Variants in MARCHF1 observed in about 807,000 individuals in gnomAD.
The protein encoded by MARCHF1 is E3 ubiquitin-protein ligase MARCHF1.
Under a neutral mutation model 54.2 loss-of-function variants are expected in MARCHF1, and 40 were observed. The observed-to-expected ratio is 0.74, with a 90% CI of 0.57 to 0.96. The LOEUF (loss-of-function observed/expected upper bound fraction) is 0.96, where lower values mean the gene tolerates loss of function less well. MARCHF1 is among the 40% of genes least tolerant of loss of function. MARCHF1 has a pLI of 0.00. For missense variants in MARCHF1, 586 were observed against 656.5 expected, an observed-to-expected ratio of 0.89 and a Z score of 1.17; for synonymous variants, 236 against 236.3, an observed-to-expected ratio of 1.00 and a Z score of 0.01.
intron 2 of MARCHF1, among the ~76,000 whole-genome samples, chr4:164,001,397 G>A (rs1753183861): frequency 6.6e-6 from 1 of 151,730 alleles, no homozygotes. Context: ...TAATATAAGA[G>A]ACAAGATAAA....
At chr4:163,532,626 A>G (rs1298486505) in intron 9 of MARCHF1, among the ~76,000 whole-genome samples, 3 of 151,934 alleles carry the variant, frequency 2.0e-5, no homozygotes, top group Non-Finnish European at 4.4e-5. Flanking sequence ...TATTTGCAAA[A>G]CATATTCTGA....
chr4:163,592,246 G>A (rs1377877038), intron 7 of MARCHF1, among the ~76,000 whole-genome samples: 4 of 152,036 alleles, frequency 2.6e-5, no homozygotes, highest in Admixed American at 6.6e-5. Context: ...ATGTGCAGAC[G>A]AGTGACAGTT....
Position 164,378,023 on chromosome 4 carries a change from C to A in MARCHF1, c.-323+5847G>T. On this transcript the variant is annotated intron_variant, in intron 1 of 9. Transcript: ENST00000514618. ...AGCTGATGGTTTTGGTCAACAATAA[C>A]TAGAAAAGCCAGATATAAGGACAGT... Among the ~76,000 whole-genome samples, 6 of 152,256 alleles carry A rather than the reference C, an allele frequency of 3.9e-5. No homozygotes were observed. The South Asian group carries it at 1.2e-3, about 32-fold the overall frequency.
chr4:163,808,110 A>G (rs1748276191), intron 4 of MARCHF1, among the ~76,000 whole-genome samples: 1 of 152,208 alleles, frequency 6.6e-6, no homozygotes, highest in South Asian at 2.1e-4. Flanking sequence ...ACAATTACTT[A>G]CACGCAGATA....
chr4:164,338,829 A>G (rs867889643), intron 1 of MARCHF1, among the ~76,000 whole-genome samples: 2 of 152,000 alleles, frequency 1.3e-5, no homozygotes, highest in South Asian at 4.1e-4. Flanking sequence ...AAAATTAGCC[A>G]GGCTTGGTGG....
intron 3 of MARCHF1, among the ~76,000 whole-genome samples, chr4:163,892,775 G>A (rs935911441): frequency 3.9e-5 from 6 of 152,000 alleles, no homozygotes; most frequent in African/African-American, 1.5e-4. Context: ...GGGTCTGAAG[G>A]TTCATCTGAC....
chr4:163,791,718 T>C (rs1046407621), intron 4 of MARCHF1, among the ~76,000 whole-genome samples: 5 of 152,152 alleles, frequency 3.3e-5, no homozygotes, highest in African/African-American at 4.8e-5. Flanking sequence ...CTTCAGTTTG[T>C]TTCCTTCACC....
chr4:164,148,274 C>A (rs1242733056), intron 1 of MARCHF1, among the ~76,000 whole-genome samples: 1 of 152,068 alleles, frequency 6.6e-6, no homozygotes, highest in African/African-American at 2.4e-5. Flanking sequence ...CAAGATTTTG[C>A]TCATTTCTTG....
At chr4:164,026,526 TA>T (rs1753771607) in intron 2 of MARCHF1, among the ~76,000 whole-genome samples, 1 of 151,916 alleles carries the variant, frequency 6.6e-6, no homozygotes, top group Non-Finnish European at 1.5e-5. Flanking sequence ...AATATTTCAA[TA>T]AAATCCACCA....
At position 163,612,755 on chromosome 4, in the gene MARCHF1, T is replaced by A; in HGVS notation, c.526A>T (p.Arg176Ter). The change falls in exon 7 of 10, where the codon AGA (arginine) becomes TGA (stop). Residue 176 changes from arginine (R) to a stop codon, truncating the protein, a stop_gained. Transcript: ENST00000514618. LOFTEE classifies it high-confidence loss of function. ...DESHWIQAKR[R>*]AQVKFRLSRR... The stretch of plus-strand genomic sequence containing the variant: ...GACAGTCTGAATTTAACCTGGGCTC[T>A]TCTTTTTGCCTGAATCCAATGACTC... 2 of 1,535,464 alleles carry A rather than the reference T, an allele frequency of 1.3e-6. No individual in the cohort carries two copies. Among genetic ancestry groups the A allele is most frequent in the Non-Finnish European group, 1.7e-6 (2 of 1,146,478 alleles).
chr4:163,612,435 AT>A lies in MARCHF1; in HGVS notation c.845del (p.Asn282MetfsTer3), dbSNP rs1560973681. On this transcript the variant is annotated frameshift_variant, in exon 7 of 10. Transcript: ENST00000514618. LOFTEE classifies it high-confidence loss of function. ...DPQLLQSLRKNEIMKKTFSET... is the reference protein window; with the variant it reads ...DPQLLQSLRKXEIMKKTFSET... ...CTGAAAATGTCTTCTTCATTATTTC[AT>A]TTTTCCTAAGACTTTGCAAGAGCTG... The A allele has an allele frequency of 6.5e-7, 1 of 1,534,782 alleles. No homozygotes were observed. The highest frequency in any genetic ancestry group is 8.7e-7 in the Non-Finnish European group (1 of 1,146,328).
chr4:163,790,141 C>G (rs993281961), intron 4 of MARCHF1, among the ~76,000 whole-genome samples: 1 of 152,032 alleles, frequency 6.6e-6, no homozygotes. Context: ...TTGCAAGTGG[C>G]AGTCATATGA....
chr4:163,796,476 C>A (rs988356069), intron 4 of MARCHF1, among the ~76,000 whole-genome samples: 4 of 152,016 alleles, frequency 2.6e-5, no homozygotes, highest in Non-Finnish European at 5.9e-5. Flanking sequence ...ATGTCTAATT[C>A]ATGTGTTGTT....
At position 164,375,859 on chromosome 4, in the gene MARCHF1, T is replaced by TA. The variant is rs1349616796; in HGVS notation, c.-323+8010dup. Among the ~76,000 whole-genome samples, 3 of 152,172 alleles carry TA rather than the reference T, an allele frequency of 2.0e-5. No individual in the cohort carries two copies. In the East Asian group the frequency reaches 5.8e-4, roughly 29 times the overall value. On this transcript the variant is annotated intron_variant, in intron 1 of 9. Coordinates refer to ENST00000514618, the MANE Select transcript of MARCHF1 (RefSeq NM_001394959.1). ...ATTTCTCCCTCTGTTAGAAAATTTT[T>TA]ATCTTTTTTCTCCACCTCATTAACC... is the stretch of plus-strand genomic sequence containing the variant.
intron 1 of MARCHF1, among the ~76,000 whole-genome samples, chr4:164,260,649 GA>G (rs1318580791): frequency 5.9e-5 from 9 of 152,156 alleles, no homozygotes; most frequent in Non-Finnish European, 1.3e-4. Context: ...CAATTTACTG[GA>G]GTACACAATT....
chr4:163,996,908 C>CAA (rs1252097443), intron 2 of MARCHF1, among the ~76,000 whole-genome samples: 1 of 151,998 alleles, frequency 6.6e-6, no homozygotes. Context: ...ATGGCTATAT[C>CAA]AACACTTTGA....
chr4:163,974,755 G>A (rs1227089514), intron 3 of MARCHF1, among the ~76,000 whole-genome samples: 1 of 152,164 alleles, frequency 6.6e-6, no homozygotes, highest in Non-Finnish European at 1.5e-5. Context: ...GAAAGACCTG[G>A]TGACGGTGTT....
At chr4:164,360,008 C>T (rs1730678459) in intron 1 of MARCHF1, among the ~76,000 whole-genome samples, 1 of 151,966 alleles carries the variant, frequency 6.6e-6, no homozygotes, top group Non-Finnish European at 1.5e-5. Context: ...GCCGTGTGAA[C>T]CCCACCCCCC....
At chr4:164,066,680 T>C (rs554307793) in intron 2 of MARCHF1, among the ~76,000 whole-genome samples, 237 of 152,286 alleles carry the variant, frequency 1.6e-3, no homozygotes, top group Non-Finnish European at 2.7e-3. Flanking sequence ...TGAAATACTA[T>C]GCAGCCATAG....
Sources: gnomAD v4.1 joint callset for allele counts (sites outside exome capture counted in the v4.1 genomes callset) on GRCh38, gnomAD v4.1.1 for gene constraint, MANE v1.5 for transcripts, NCBI Gene and HGNC (gene_info 2026-07-23, HGNC 2026-07-21) for gene names.